Variants in CALD1 observed in about 807,000 individuals in gnomAD.
CALD1 encodes the protein caldesmon 1.
A neutral mutation model predicts 99.9 loss-of-function variants in CALD1; 33 were observed. The observed-to-expected ratio is 0.33, with a 90% CI of 0.25 to 0.44. The LOEUF is 0.44. Among genes scored for constraint, CALD1 ranks in the 20% least tolerant of loss-of-function variants. The pLI, the probability that CALD1 is intolerant of heterozygous loss-of-function variation, is 1.00. For synonymous variants in CALD1, 310 were observed against 325.0 expected (o/e 0.95, Z 0.50); for missense variants, 861 against 962.1 (o/e 0.89, Z 1.39).
At chr7:134,879,282 A>G (rs899347652) in intron 3 of CALD1, among the ~76,000 whole-genome samples, 10 of 152,238 alleles carry the variant, frequency 6.6e-5, no homozygotes, top group African/African-American at 1.9e-4. Context: ...ATTCTCATTC[A>G]TCTGTGAATC....
chr7:134,928,444 A>C (rs953712754), intron 3 of CALD1, among the ~76,000 whole-genome samples: 2 of 151,562 alleles, frequency 1.3e-5, no homozygotes, highest in Admixed American at 6.6e-5. Context: ...AAAAAAAAAA[A>C]AAAAAAAAAA....
rs1180805960 is a variant in CALD1 at position 134,933,545 on chromosome 7, A to G, written c.776A>G (p.Glu259Gly). 1.2e-6 allele frequency: 2 copies of G among 1,613,778 alleles called. No homozygotes were observed. Among genetic ancestry groups the G allele is most frequent in the Non-Finnish European group, 1.7e-6 (2 of 1,179,904 alleles). The change falls in exon 5 of 15, where the codon GAG becomes GGG. Residue 259 changes from glutamate to glycine, a missense_variant. Around this residue, in one of 5 missense-constraint regions of CALD1, gnomAD observed 234 missense variants for 233.1 expected, o/e 1.00. Coordinates refer to ENST00000361675, the MANE Select transcript of CALD1 (RefSeq NM_033138.4). ...ATTTCCCATCATGAAAAGATGGAAGAGGAAGACAAGGAAAGAGCTGAGGCA... is the reference window on the plus strand; with the variant it reads ...ATTTCCCATCATGAAAAGATGGAAGGGGAAGACAAGGAAAGAGCTGAGGCA... ...DEISHHEKME[E>G]EDKERAEAER...
chr7:134,718,726 T>C, the CALD1 span, among the ~76,000 whole-genome samples: 1 of 152,162 alleles, frequency 6.6e-6, no homozygotes, highest in South Asian at 2.1e-4. Flanking sequence ...GCTGTTGTTG[T>C]GAATAATAAA....
rs147278333 is a variant in CALD1, at chr7:134,949,714, T to C, written c.1795-660T>C. 5.1e-3 allele frequency among the ~76,000 whole-genome samples: 775 copies of C among 152,272 alleles called. 4 individuals carry two copies. The highest frequency in any genetic ancestry group is 7.5e-3 in the Non-Finnish European group (510 of 68,020). The stretch of plus-strand genomic sequence containing the variant: ...GGAATATTCATATCCCTTTTACATA[T>C]ACAGAAGTGTGAGGTCATTGTTAAT... On this transcript the variant is annotated intron_variant, in intron 8 of 14. Transcript: ENST00000361675.
intron 9 of CALD1, among the ~76,000 whole-genome samples, chr7:134,955,489 C>T (rs1186374294): frequency 6.6e-6 from 1 of 152,240 alleles, no homozygotes; most frequent in Non-Finnish European, 1.5e-5. Context: ...GTATTTCTCA[C>T]AGTCCTGGAG....
chr7:134,718,706 G>A, the CALD1 span, among the ~76,000 whole-genome samples: 3 of 151,988 alleles, frequency 2.0e-5, no homozygotes, highest in African/African-American at 7.2e-5. Flanking sequence ...ATCAGAAGAC[G>A]TTGGCTACTG....
At chr7:134,941,393 A>T (rs1308870983) in intron 7 of CALD1, among the ~76,000 whole-genome samples, 156 bp downstream of exon 7, 5 of 152,204 alleles carry the variant, frequency 3.3e-5, no homozygotes. Context: ...AGAGATACTC[A>T]GTCAGCAGGT....
rs142505270 is a variant in CALD1 at position 134,955,935 on chromosome 7, T to C, written c.1936-2134T>C. ...ATGGATGGATGGACGGACGGACGGA[T>C]GGGTAATATTTATTAAAAGTGCCAG... On this transcript the variant is annotated intron_variant, in intron 9 of 14. Transcript: ENST00000361675. Among the ~76,000 whole-genome samples, 601 of 152,044 alleles carry C rather than the reference T, an allele frequency of 4.0e-3. 3 individuals carry two copies. The highest frequency in any genetic ancestry group is 0.014 in the African/African-American group (569 of 41,508).
intron 14 of CALD1, among the ~76,000 whole-genome samples, chr7:134,966,617 T>A (rs1808699273): frequency 2.0e-5 from 3 of 152,196 alleles, no homozygotes. Flanking sequence ...ACACAGTGAA[T>A]AAGTAGCATA....
At chr7:134,929,630 G>GTATATATACACACACATA in intron 4 of CALD1, among the ~76,000 whole-genome samples, 1 of 1,342 alleles carries the variant, frequency 7.5e-4, no homozygotes, top group African/African-American at 1.5e-3. Context: ...ACGTGTGTGT[G>GTATATATACACACACATA]TGTGTGTGTG....
intron 13 of CALD1, chr7:134,962,366 T>TAA (rs35952925): frequency 1.0e-3 from 93 of 92,032 alleles, no homozygotes; most frequent in Middle Eastern, 6.0e-3. Context: ...GACAGCCTCC[T>TAA]AAAAAAAAAA....
chr7:134,885,152 G>A (rs1276210275), intron 3 of CALD1, among the ~76,000 whole-genome samples: 1 of 151,962 alleles, frequency 6.6e-6, no homozygotes, highest in Non-Finnish European at 1.5e-5. Context: ...AGTCTGGTCT[G>A]TAACTCCTGA....
chr7:134,754,868 T>C (rs1796714431), intron 1 of CALD1, among the ~76,000 whole-genome samples: 1 of 152,226 alleles, frequency 6.6e-6, no homozygotes, highest in Non-Finnish European at 1.5e-5. Flanking sequence ...TCAGGAAAAG[T>C]AAAATTGTTA....
chr7:134,768,234 C>G (rs1244063254), intron 1 of CALD1, among the ~76,000 whole-genome samples: 3 of 152,178 alleles, frequency 2.0e-5, no homozygotes, highest in Non-Finnish European at 4.4e-5. Context: ...TGATCATGTC[C>G]TCTTTCATTT....
intron 2 of CALD1, among the ~76,000 whole-genome samples, chr7:134,863,951 G>A (rs577279462): frequency 1.3e-5 from 2 of 152,276 alleles, no homozygotes; most frequent in South Asian, 4.2e-4. Context: ...GGAAGGAAAG[G>A]AAAGAGAGGA....
intron 7 of CALD1, among the ~76,000 whole-genome samples, chr7:134,942,858 A>G (rs1241043704): frequency 6.6e-6 from 1 of 152,254 alleles, no homozygotes; most frequent in Non-Finnish European, 1.5e-5. Context: ...AACAAGCTTC[A>G]AAGCTCAAAT....
At chr7:134,911,033 G>A (rs751206862) in intron 3 of CALD1, among the ~76,000 whole-genome samples, 1 of 152,138 alleles carries the variant, frequency 6.6e-6, no homozygotes, top group Non-Finnish European at 1.5e-5. Flanking sequence ...GGAAGGAATT[G>A]AAAGAAGTGC....
At chr7:134,728,852 T>C in the CALD1 span, among the ~76,000 whole-genome samples, 1,452 of 97,336 alleles carry the variant, frequency 0.015, 17 homozygotes, top group African/African-American at 0.061. Context: ...TTTCTTTTTT[T>C]TTTTTTTTTT....
At chr7:134,787,291 G>T (rs959072259) in intron 1 of CALD1, among the ~76,000 whole-genome samples, 126 of 152,068 alleles carry the variant, frequency 8.3e-4, no homozygotes, top group African/African-American at 2.9e-3. Context: ...TGGAAATGTG[G>T]CAAGAATAAA....
Sources: allele counts gnomAD v4.1 joint callset (sites outside exome capture counted in the v4.1 genomes callset), GRCh38; gene constraint gnomAD v4.1.1; regional missense constraint gnomAD v4.1.1; transcripts MANE v1.5; gene names NCBI Gene and HGNC (gene_info 2026-07-23, HGNC 2026-07-21).